MDGA2: variants seen among roughly 807,000 people sequenced by gnomAD.
MDGA2 encodes the protein MAM domain-containing glycosylphosphatidylinositol anchor protein 2.
Under a neutral mutation model 117.8 loss-of-function variants are expected in MDGA2, and 40 were observed. The ratio of observed to expected loss-of-function variants is 0.34; its 90% confidence interval spans 0.26 to 0.44. MDGA2 has a LOEUF of 0.44. Ranked by LOEUF, MDGA2 falls within the 20% of genes least tolerant of loss-of-function variation. MDGA2 has a pLI of 1.00. For missense variants in MDGA2, 1,123 were observed against 1,250.6 expected (o/e 0.90, Z 1.54); for synonymous variants, 452 against 439.0 (o/e 1.03, Z -0.37).
At chr14:47,196,352 T>A (rs1885288181) in intron 3 of MDGA2, among the ~76,000 whole-genome samples, 1 of 152,140 alleles carries the variant, frequency 6.6e-6, no homozygotes, top group Non-Finnish European at 1.5e-5. Context: ...GAAATCATTA[T>A]TTCCATTTAT....
chr14:47,311,572 T>A (rs532943800), intron 1 of MDGA2, among the ~76,000 whole-genome samples: 1 of 152,234 alleles, frequency 6.6e-6, no homozygotes, highest in South Asian at 2.1e-4. Flanking sequence ...CTTTTCTCCT[T>A]CTACAAAAGG....
chr14:47,177,326 A>T (rs1476854863), intron 3 of MDGA2, among the ~76,000 whole-genome samples: 1 of 152,222 alleles, frequency 6.6e-6, no homozygotes, highest in Non-Finnish European at 1.5e-5. Context: ...ATTATAAATC[A>T]TGCTGCTATA....
chr14:47,552,109 T>C lies in MDGA2; in HGVS notation c.280+122408A>G, dbSNP rs892434259. Reference sequence around the variant, plus strand: ...TCTTTCCTCCTCCCTTGCCATTTCATATTACCCTGCTTTTATCTCAATTCA... The same window carrying C: ...TCTTTCCTCCTCCCTTGCCATTTCACATTACCCTGCTTTTATCTCAATTCA... On this transcript the variant is annotated intron_variant, in intron 1 of 16. Transcript: ENST00000399232. Among the ~76,000 whole-genome samples the C allele has an allele frequency of 5.3e-5, 8 of 152,346 alleles. No homozygotes were observed. The East Asian group carries it at 1.2e-3, about 22-fold the overall frequency.
chr14:47,020,055 T>C (rs1395634816), intron 8 of MDGA2, among the ~76,000 whole-genome samples: 1 of 152,138 alleles, frequency 6.6e-6, no homozygotes, highest in African/African-American at 2.4e-5. Context: ...TGCACAACTT[T>C]ACAGGTCCCC....
Position 46,929,580 on chromosome 14 carries a change from C to CGTGTGTGTGTGTGT in MDGA2, c.2090-9434_2090-9421dup, listed in dbSNP as rs375013114. Among the ~76,000 whole-genome samples the CGTGTGTGTGTGTGT allele has an allele frequency of 2.5e-3, 83 of 32,996 alleles. 2 individuals carry two copies. The highest frequency in any genetic ancestry group is 0.01 in the African/African-American group (76 of 7,580). The allele number at this position is 32,996 out of a possible 152,430, so 21.6% of individuals were successfully genotyped here. A position where few individuals can be genotyped will look rare whatever the true frequency, so the allele number is the denominator to read the frequency against. On this transcript the variant is annotated intron_variant, in intron 9 of 16. Coordinates refer to ENST00000399232, the MANE Select transcript of MDGA2 (RefSeq NM_001113498.3). ...AATGTATATATATCAAGTATATATA[C>CGTGTGTGTGTGTGT]GTGTGTGTGTGTGTGTGTGTGTATA...
chr14:47,213,954 AAG>A (rs1885984860), intron 3 of MDGA2, among the ~76,000 whole-genome samples: 1 of 152,122 alleles, frequency 6.6e-6, no homozygotes, highest in African/African-American at 2.4e-5. Flanking sequence ...ACAGAATGGA[AAG>A]AGTACCTTTT....
At chr14:46,929,649 A>ATATTTTTTTTTTTTTTTTT (rs1884485655) in intron 9 of MDGA2, among the ~76,000 whole-genome samples, 1 of 13,710 alleles carries the variant, frequency 7.3e-5, no homozygotes, top group African/African-American at 3.1e-4. Context: ...ATATATATAC[A>ATATTTTTTTTTTTTTTTTT]TTTTTTTTTT....
intron 2 of MDGA2, among the ~76,000 whole-genome samples, chr14:47,277,555 A>C (rs1888346839): frequency 6.6e-6 from 1 of 152,204 alleles, no homozygotes; most frequent in Admixed American, 6.5e-5. Flanking sequence ...TGACCAGAGA[A>C]GGACTTCAGA....
intron 8 of MDGA2, among the ~76,000 whole-genome samples, chr14:47,006,109 C>A (rs1887699904): frequency 6.6e-6 from 1 of 151,146 alleles, no homozygotes; most frequent in South Asian, 2.1e-4. Context: ...CCTCTGTTTA[C>A]CAATTTGAAA....
chr14:46,975,554 C>A (rs1461922332), intron 8 of MDGA2, among the ~76,000 whole-genome samples: 5 of 151,972 alleles, frequency 3.3e-5, no homozygotes, highest in Non-Finnish European at 7.4e-5. Context: ...CATGGATGAA[C>A]TTTGAGGACA....
intron 14 of MDGA2, among the ~76,000 whole-genome samples, chr14:46,858,259 T>C (rs972912394): frequency 1.3e-5 from 2 of 151,634 alleles, no homozygotes; most frequent in African/African-American, 4.8e-5. Flanking sequence ...TTGTACTTTG[T>C]AGTATAATTC....
intron 3 of MDGA2, among the ~76,000 whole-genome samples, chr14:47,175,322 C>T (rs1326191020): frequency 6.6e-6 from 1 of 151,596 alleles, no homozygotes; most frequent in African/African-American, 2.4e-5. Context: ...ATCCTGATAC[C>T]AAAGCCGGGC....
chr14:46,842,041 G>A (rs1244036930), intron 16 of MDGA2, 22 bp from the exon 17 acceptor site: 2 of 1,553,708 alleles, frequency 1.3e-6, no homozygotes, highest in East Asian at 2.3e-5. Context: ...GAAAATAAAT[G>A]CAAACAAAAA....
intron 1 of MDGA2, among the ~76,000 whole-genome samples, chr14:47,489,294 T>C (rs892920343): frequency 6.6e-6 from 1 of 152,114 alleles, no homozygotes; most frequent in Admixed American, 6.5e-5. Flanking sequence ...ATGAAATTCA[T>C]TAAGTTATGG....
chr14:47,115,833 A>G (rs981467053), intron 5 of MDGA2, among the ~76,000 whole-genome samples: 8 of 152,074 alleles, frequency 5.3e-5, no homozygotes, highest in Admixed American at 4.6e-4. Context: ...TAACATATTC[A>G]GTGTGAAAAT....
At position 47,168,498 on chromosome 14, in the gene MDGA2, T is replaced by C. The variant is rs149627652; in HGVS notation, c.596-24224A>G. Among the ~76,000 whole-genome samples the C allele has an allele frequency of 5.5e-3, 841 of 152,166 alleles. 8 individuals carry two copies. The highest frequency in any genetic ancestry group is 0.019 in the African/African-American group (809 of 41,544). ...CTCAACTGATATAAGCTATTGTTTTTCTTTTGCTCGAGTTCTTTTCCCCTA... is the reference window on the plus strand; with the variant it reads ...CTCAACTGATATAAGCTATTGTTTTCCTTTTGCTCGAGTTCTTTTCCCCTA... On this transcript the variant is annotated intron_variant, in intron 3 of 16. Transcript: ENST00000399232.
chr14:47,599,188 T>A (rs917072125), intron 1 of MDGA2, among the ~76,000 whole-genome samples: 1 of 152,110 alleles, frequency 6.6e-6, no homozygotes, highest in South Asian at 2.1e-4. Flanking sequence ...AAGAAGATAT[T>A]CTGTAATTGA....
At chr14:47,421,084 C>T (rs189479571) in intron 1 of MDGA2, among the ~76,000 whole-genome samples, 2 of 152,166 alleles carry the variant, frequency 1.3e-5, no homozygotes, top group Non-Finnish European at 2.9e-5. Flanking sequence ...CATATTATGT[C>T]AAAATGTTAC....
chr14:47,363,065 C>G (rs1891157719), intron 1 of MDGA2, among the ~76,000 whole-genome samples: 1 of 152,052 alleles, frequency 6.6e-6, no homozygotes, highest in South Asian at 2.1e-4. Context: ...TTATGAATAG[C>G]TGAAGATATT....
Sources: gnomAD v4.1 joint callset for allele counts (sites outside exome capture counted in the v4.1 genomes callset) on GRCh38, gnomAD v4.1.1 for gene constraint, MANE v1.5 for transcripts, NCBI Gene and HGNC (gene_info 2026-07-23, HGNC 2026-07-21) for gene names.